The following PRELID2 variants were observed in gnomAD, a reference collection of about 807,000 sequenced individuals.
The protein encoded by PRELID2 is PRELI domain-containing protein 2.
PRELID2 carries 25 observed loss-of-function variants against 28.4 expected under a neutral mutation model. The observed-to-expected ratio is 0.88, with a 90% confidence interval of 0.64 to 1.23. PRELID2 has a LOEUF of 1.23. PRELID2 is among the 50% of genes most tolerant of loss of function. The pLI is 0.00. For synonymous variants in PRELID2, 76 were observed against 71.6 expected (o/e 1.06, Z -0.31); for missense variants, 201 against 214.4 (o/e 0.94, Z 0.39).
At chr5:145,652,102 T>C (rs1002981307) in intron 1 of PRELID2, among the ~76,000 whole-genome samples, 1 of 152,116 alleles carries the variant, frequency 6.6e-6, no homozygotes, top group Non-Finnish European at 1.5e-5. Context: ...AACTACATGA[T>C]GAATGCACAA....
chr5:145,409,717 T>C, the PRELID2 span, among the ~76,000 whole-genome samples: 1 of 135,544 alleles, frequency 7.4e-6, no homozygotes, highest in African/African-American at 2.8e-5. Flanking sequence ...ATCAAGACCA[T>C]CCTGGCTAAC....
At chr5:145,749,447 T>C (rs1327917344) in intron 1 of PRELID2, among the ~76,000 whole-genome samples, 1 of 152,156 alleles carries the variant, frequency 6.6e-6, no homozygotes, top group Non-Finnish European at 1.5e-5. Context: ...TGGTGACTAT[T>C]AAAAAGTCAA....
At chr5:145,308,715 A>G in the PRELID2 span, among the ~76,000 whole-genome samples, 4 of 152,136 alleles carry the variant, frequency 2.6e-5, no homozygotes, top group African/African-American at 7.2e-5. Flanking sequence ...GCCTTAACAT[A>G]TAGTAGATAA....
chr5:145,380,022 G>T, the PRELID2 span, among the ~76,000 whole-genome samples: 2 of 152,154 alleles, frequency 1.3e-5, no homozygotes, highest in African/African-American at 2.4e-5. Context: ...AATGCTAGGG[G>T]GACGGCCCTT....
rs561924213 is a variant in PRELID2 at position 145,784,667 on chromosome 5, C to T, written c.474+11775G>A. Among the ~76,000 whole-genome samples, 25 of 151,828 alleles carry T rather than the reference C, an allele frequency of 1.6e-4. No individual in the cohort carries two copies. In the South Asian group the frequency reaches 4.4e-3, roughly 27 times the overall value. On this transcript the variant is annotated intron_variant, in intron 5 of 6. Transcript: ENST00000683046. ...AAACCAACAATAACAGCTATTATGC[C>T]GATGGAATATTATGCAGGCATCAAA... is the stretch of plus-strand genomic sequence containing the variant.
chr5:145,392,283 C>A, the PRELID2 span, among the ~76,000 whole-genome samples: 156 of 135,146 alleles, frequency 1.2e-3, 1 homozygote, highest in African/African-American at 4.0e-3. Context: ...GAAAGGGAAG[C>A]AAACATGTCT....
the PRELID2 span, among the ~76,000 whole-genome samples, chr5:145,419,353 A>C: frequency 2.4e-5 from 3 of 125,824 alleles, no homozygotes; most frequent in Non-Finnish European, 3.4e-5. Flanking sequence ...CCAACAGTGT[A>C]AAAGTGTTCC....
At chr5:145,487,303 A>G (rs1234307538) in intron 1 of PRELID2, among the ~76,000 whole-genome samples, 1 of 152,044 alleles carries the variant, frequency 6.6e-6, no homozygotes. Flanking sequence ...CAGTCCCCAA[A>G]CAGAGCATAC....
rs577560438 is a variant in PRELID2, at chr5:145,594,618, T to C, written n.71-121303A>G. On this transcript the variant is annotated intron_variant and non_coding_transcript_variant, in intron 1 of 2. Coordinates refer to the PRELID2 transcript ENST00000510259. The stretch of plus-strand genomic sequence containing the variant: ...AAATGACCTAAATGTCCAACTTATG[T>C]AGCCACAAAAGTAATTATATAGATG... Among the ~76,000 whole-genome samples the C allele has an allele frequency of 3.5e-4, 54 of 152,270 alleles. No individual in the cohort carries two copies. The South Asian group carries it at 5.6e-3, about 16-fold the overall frequency.
chr5:145,738,403 A>G (rs1756556796), intron 1 of PRELID2, among the ~76,000 whole-genome samples: 1 of 152,232 alleles, frequency 6.6e-6, no homozygotes, highest in African/African-American at 2.4e-5. Flanking sequence ...AAACATTTTT[A>G]AGCAGCCATC....
chr5:145,727,845 C>T (rs1756218189), intron 1 of PRELID2, among the ~76,000 whole-genome samples: 1 of 152,148 alleles, frequency 6.6e-6, no homozygotes, highest in African/African-American at 2.4e-5. Flanking sequence ...TGAATCAAGG[C>T]AGGTAAACAA....
At chr5:145,775,144 G>T (rs1260631834) in intron 5 of PRELID2, among the ~76,000 whole-genome samples, 3 of 152,014 alleles carry the variant, frequency 2.0e-5, no homozygotes, top group Non-Finnish European at 4.4e-5. Flanking sequence ...GGAGGCTGAG[G>T]TTGGAGAATC....
chr5:145,238,564 T>G, the PRELID2 span, among the ~76,000 whole-genome samples: 2 of 152,126 alleles, frequency 1.3e-5, no homozygotes, highest in African/African-American at 4.8e-5. Flanking sequence ...ACTAAGCATC[T>G]GTTGAATAAA....
At chr5:145,470,449 C>T (rs184648704), downstream of PRELID2, among the ~76,000 whole-genome samples, 1 of 147,012 alleles carries the variant, frequency 6.8e-6, no homozygotes, top group Non-Finnish European at 1.5e-5. Flanking sequence ...TACTCTGTAA[C>T]CTGCTAAGCC....
intron 1 of PRELID2, chr5:145,729,184 C>G: frequency 1.5e-6 from 1 of 686,768 alleles, no homozygotes; most frequent in Non-Finnish European, 2.6e-6. Flanking sequence ...TCATTTGTAT[C>G]AGTGATGCTC....
intron 1 of PRELID2, among the ~76,000 whole-genome samples, chr5:145,735,093 A>AAC (rs1756457226): frequency 6.7e-6 from 1 of 150,320 alleles, no homozygotes; most frequent in Non-Finnish European, 1.5e-5. Flanking sequence ...AAAAATACAA[A>AAC]AATTAGCCAG....
At chr5:145,566,640 G>T (rs1752969677) in intron 1 of PRELID2, among the ~76,000 whole-genome samples, 1 of 152,164 alleles carries the variant, frequency 6.6e-6, no homozygotes, top group Admixed American at 6.5e-5. Flanking sequence ...ATGAGTTCGA[G>T]ACCAGCCTGG....
At chr5:145,334,316 G>A in the PRELID2 span, among the ~76,000 whole-genome samples, 67 of 152,196 alleles carry the variant, frequency 4.4e-4, no homozygotes, top group Middle Eastern at 6.8e-3. Flanking sequence ...TTGAAAATAA[G>A]CTTCTTTTCA....
intron 1 of PRELID2, among the ~76,000 whole-genome samples, chr5:145,623,353 C>G (rs1753798970): frequency 6.6e-6 from 1 of 151,564 alleles, no homozygotes; most frequent in Non-Finnish European, 1.5e-5. Context: ...GAGGCTGAGA[C>G]AAGAGAATCA....
Sources: gnomAD v4.1 joint callset for allele counts (sites outside exome capture counted in the v4.1 genomes callset) on GRCh38, gnomAD v4.1.1 for gene constraint, MANE v1.5 for transcripts, NCBI Gene and HGNC (gene_info 2026-07-23, HGNC 2026-07-21) for gene names.